Variants in SPOCK1 observed in about 807,000 individuals in gnomAD.
SPOCK1 encodes SPARC (osteonectin), cwcv and kazal like domains proteoglycan 1.
Under a neutral mutation model 55.3 loss-of-function variants are expected in SPOCK1, and 23 were observed. That is an observed-to-expected ratio of 0.42 (90% CI 0.30 to 0.59). The LOEUF is 0.59. Among genes scored for constraint, SPOCK1 ranks in the 20% least tolerant of loss-of-function variants. The pLI, the probability that SPOCK1 is intolerant of heterozygous loss-of-function variation, is 0.22. For missense variants in SPOCK1, 499 were observed against 552.5 expected, an observed-to-expected ratio of 0.90 and a Z score of 0.97; for synonymous variants, 226 against 221.0, an observed-to-expected ratio of 1.02 and a Z score of -0.20.
At chr5:137,449,886 C>CAAAAAAAAAAAAAAAAAAAAAAAA (rs562723108) in intron 2 of SPOCK1, among the ~76,000 whole-genome samples, 3 of 52,912 alleles carry the variant, frequency 5.7e-5, no homozygotes, top group African/African-American at 2.4e-4. Context: ...GATGCTGTCT[C>CAAAAAAAAAAAAAAAAAAAAAAAA]AAAAAAAAAA....
intron 2 of SPOCK1, among the ~76,000 whole-genome samples, chr5:137,394,366 C>T (rs1751796461): frequency 2.6e-5 from 4 of 152,148 alleles, no homozygotes; most frequent in African/African-American, 9.7e-5. Flanking sequence ...AATTTTATGA[C>T]AATTCTGAAA....
At chr5:137,468,479 G>C (rs1161118428) in intron 2 of SPOCK1, among the ~76,000 whole-genome samples, 2 of 152,146 alleles carry the variant, frequency 1.3e-5, no homozygotes, top group African/African-American at 4.8e-5. Flanking sequence ...TGATGTATTT[G>C]TACAGGAAAA....
At chr5:137,312,006 T>C (rs1242376643) in intron 2 of SPOCK1, among the ~76,000 whole-genome samples, 2 of 152,234 alleles carry the variant, frequency 1.3e-5, no homozygotes, top group African/African-American at 4.8e-5. Flanking sequence ...AGTCTTCCAT[T>C]TCTATCCCCA....
chr5:137,234,659 A>G (rs958225284), intron 3 of SPOCK1, among the ~76,000 whole-genome samples: 2 of 152,154 alleles, frequency 1.3e-5, no homozygotes, highest in African/African-American at 4.8e-5. Flanking sequence ...GCTGGTCCCT[A>G]CAGGAAACAG....
chr5:137,267,037 A>C lies in SPOCK1; in HGVS notation c.205T>G (p.Trp69Gly). Residue 69 changes from tryptophan to glycine, a missense_variant, in exon 3 of 11, where the codon TGG becomes GGG. This residue lies in a region of SPOCK1 where 386 missense variants were observed against 400.6 expected (regional missense o/e 0.96). Coordinates refer to ENST00000394945, the MANE Select transcript of SPOCK1 (RefSeq NM_004598.4). Reference sequence around the variant, plus strand: ...TGGTCAAAGGGCTTGTTGGGATTCCAGTTTCTGAAATAATCATCCTATATA... The same window carrying C: ...TGGTCAAAGGGCTTGTTGGGATTCCCGTTTCTGAAATAATCATCCTATATA... ...RFRDDDYFRN[W>G]NPNKPFDQAL... 1 of 1,612,994 alleles carries C rather than the reference A, an allele frequency of 6.2e-7. No homozygotes were observed.
intron 6 of SPOCK1, among the ~76,000 whole-genome samples, chr5:137,063,877 G>A (rs1330807402): frequency 6.6e-6 from 1 of 152,162 alleles, no homozygotes; most frequent in Non-Finnish European, 1.5e-5. Context: ...GCATATCTTG[G>A]TCTAACAGAA....
At chr5:137,080,958 C>G (rs1752870062) in intron 5 of SPOCK1, among the ~76,000 whole-genome samples, 2 of 152,204 alleles carry the variant, frequency 1.3e-5, no homozygotes, top group Admixed American at 1.3e-4. Flanking sequence ...CAACTTCAAA[C>G]CAATTCTGAA....
intron 3 of SPOCK1, among the ~76,000 whole-genome samples, chr5:137,160,959 T>C (rs1754542353): frequency 6.8e-6 from 1 of 146,786 alleles, no homozygotes; most frequent in African/African-American, 2.5e-5. Context: ...TAGCAAAATC[T>C]TGGAACCAAT....
At chr5:137,343,959 A>G (rs1750497360) in intron 2 of SPOCK1, among the ~76,000 whole-genome samples, 1 of 152,136 alleles carries the variant, frequency 6.6e-6, no homozygotes, top group Non-Finnish European at 1.5e-5. Context: ...AGTTTCATTT[A>G]ACCAGGCTAG....
intron 5 of SPOCK1, among the ~76,000 whole-genome samples, chr5:137,089,038 G>A (rs1338402178): frequency 6.6e-6 from 1 of 152,158 alleles, no homozygotes; most frequent in African/African-American, 2.4e-5. Flanking sequence ...GAGAGCACTG[G>A]GACTATTGCA....
chr5:137,393,779 A>C (rs1018325902), intron 2 of SPOCK1, among the ~76,000 whole-genome samples: 1 of 152,188 alleles, frequency 6.6e-6, no homozygotes, highest in African/African-American at 2.4e-5. Context: ...ACCATAATAA[A>C]CTTAAGTGCC....
At position 137,068,964 on chromosome 5, in the gene SPOCK1, G is replaced by T. The variant is rs543808208; in HGVS notation, c.475-1135C>A. Among the ~76,000 whole-genome samples the T allele has an allele frequency of 8.5e-5, 13 of 152,296 alleles. No individual in the cohort carries two copies. The South Asian group carries it at 2.7e-3, about 32-fold the overall frequency. On this transcript the variant is annotated intron_variant, in intron 5 of 10. Transcript: ENST00000394945. The stretch of plus-strand genomic sequence containing the variant: ...GGAGGTTCAAAGGAAGAAGAGATAG[G>T]TGAAATTTAACAAGCACCCACTGTG...
intron 6 of SPOCK1, among the ~76,000 whole-genome samples, chr5:137,020,569 G>T (rs1463810122): frequency 6.6e-6 from 1 of 151,864 alleles, no homozygotes; most frequent in Non-Finnish European, 1.5e-5. Context: ...CTGCAAAATT[G>T]GATGGTATAA....
At chr5:137,399,246 C>G (rs1400014232) in intron 2 of SPOCK1, among the ~76,000 whole-genome samples, 2 of 152,156 alleles carry the variant, frequency 1.3e-5, no homozygotes, top group Non-Finnish European at 2.9e-5. Context: ...ATACTGAGGA[C>G]TAGGCATTGC....
chr5:137,406,451 C>A (rs1752101773), intron 2 of SPOCK1, among the ~76,000 whole-genome samples: 1 of 152,192 alleles, frequency 6.6e-6, no homozygotes, highest in Non-Finnish European at 1.5e-5. Flanking sequence ...GACAGCCTTA[C>A]CTTGTCAACA....
At chr5:137,116,488 T>C (rs182171806) in intron 4 of SPOCK1, among the ~76,000 whole-genome samples, 1 of 151,602 alleles carries the variant, frequency 6.6e-6, no homozygotes, top group Admixed American at 6.6e-5. Flanking sequence ...CTACTAAAAA[T>C]ACAAAAAATT....
intron 3 of SPOCK1, among the ~76,000 whole-genome samples, chr5:137,185,120 C>T (rs1329791563): frequency 2.0e-5 from 3 of 151,822 alleles, no homozygotes; most frequent in Admixed American, 6.6e-5. Context: ...GAAGTCAGGG[C>T]AGAGAGAGGA....
rs182342384 is a variant in SPOCK1 at position 137,189,530 on chromosome 5, C to T, written c.233-48836G>A. 2.7e-4 allele frequency among the ~76,000 whole-genome samples: 41 copies of T among 152,260 alleles called. 1 individual carries two copies. Among genetic ancestry groups the T allele is most frequent in the East Asian group, 2.1e-3 (11 of 5,178 alleles). On this transcript the variant is annotated intron_variant, in intron 3 of 10. Coordinates refer to ENST00000394945, the MANE Select transcript of SPOCK1 (RefSeq NM_004598.4). ...ACTATGTATATTAAACTCACGGTTA[C>T]GATACCTACCACTCAGAAAAAAAGA...
intron 2 of SPOCK1, among the ~76,000 whole-genome samples, chr5:137,285,732 GCTCTTGGTAATGGAAGC>G (rs1458325029): frequency 1.3e-5 from 2 of 152,166 alleles, no homozygotes; most frequent in East Asian, 3.9e-4. Context: ...CTTTGTGTCT[GCTCTTGGTAATGGAAGC>G]CTTTTGCACC....
Sources: gnomAD v4.1 joint callset for allele counts (sites outside exome capture counted in the v4.1 genomes callset) on GRCh38, gnomAD v4.1.1 for gene constraint, gnomAD v4.1.1 regional missense constraint, MANE v1.5 for transcripts, NCBI Gene and HGNC (gene_info 2026-07-23, HGNC 2026-07-21) for gene names.